PKHD1: variants seen among roughly 807,000 people sequenced by gnomAD.
The protein encoded by PKHD1 is fibrocystin.
PKHD1 carries 291 observed loss-of-function variants against 412.0 expected under a neutral mutation model. The ratio of observed to expected loss-of-function variants is 0.71; its 90% confidence interval spans 0.64 to 0.78. The LOEUF is 0.78. Among genes scored for constraint, PKHD1 ranks in the 30% least tolerant of loss-of-function variants. The pLI is 0.00. For missense variants in PKHD1, 4,825 were observed against 4,950.7 expected (o/e 0.97, Z 0.76); for synonymous variants, 1,777 against 1,821.5 (o/e 0.98, Z 0.62).
intron 43 of PKHD1, among the ~76,000 whole-genome samples, chr6:51,896,512 G>C (rs1273422257): frequency 5.3e-5 from 8 of 151,890 alleles, no homozygotes; most frequent in Non-Finnish European, 5.9e-5. Flanking sequence ...AAACCCATCT[G>C]TACATCACCA....
chr6:52,077,083 G>T (rs938430532), intron 5 of PKHD1, among the ~76,000 whole-genome samples: 11 of 152,158 alleles, frequency 7.2e-5, no homozygotes, highest in African/African-American at 2.7e-4. Flanking sequence ...CAAAGGCAGG[G>T]ACAATGCTTG....
In PKHD1 at chr6:52,046,046, C is replaced by A. The variant is rs140920157; in HGVS notation, c.2550G>T (p.Leu850Phe). ...LYTCYEHVWT[L>F]SWSTQIGDLP... is the part of the protein sequence containing the mutation. ...AATCCCCAATCTGAGTGGACCAGGA[C>A]AAGGTCCACACGTGTTCGTAGCAAG... The change falls in exon 24 of 67, where the codon TTG (leucine) becomes TTT (phenylalanine). Residue 850 changes from leucine (L) to phenylalanine (F), a missense_variant. By Grantham distance (22) the Leu-to-Phe change is conservative. Transcript: ENST00000371117. 7.4e-6 allele frequency: 12 copies of A among 1,613,588 alleles called. No individual in the cohort carries two copies. The highest frequency in any genetic ancestry group is 1.0e-5 in the Non-Finnish European group (12 of 1,179,756).
chr6:51,941,319 A>G (rs1170444804), intron 36 of PKHD1, among the ~76,000 whole-genome samples: 2 of 127,150 alleles, frequency 1.6e-5, no homozygotes, highest in Admixed American at 9.6e-5. Context: ...GCAGTGGCGC[A>G]ATCTCGGCTC....
intron 29 of PKHD1, among the ~76,000 whole-genome samples, chr6:52,029,607 G>A (rs1802741916): frequency 6.6e-6 from 1 of 152,160 alleles, no homozygotes; most frequent in African/African-American, 2.4e-5. Context: ...CAAAAAGAAA[G>A]TCATAGAGAA....
intron 46 of PKHD1, among the ~76,000 whole-genome samples, chr6:51,882,345 T>A (rs1777508797): frequency 6.6e-6 from 1 of 152,342 alleles, no homozygotes; most frequent in African/African-American, 2.4e-5. Context: ...CAGGAAAATG[T>A]AGCTCAATAA....
chr6:51,763,638 G>A (rs1435731264), intron 55 of PKHD1, among the ~76,000 whole-genome samples: 2 of 152,068 alleles, frequency 1.3e-5, no homozygotes, highest in Non-Finnish European at 2.9e-5. Flanking sequence ...TCCTCCTCAA[G>A]TGAATGACAC....
chr6:52,026,197 G>A lies in PKHD1; in HGVS notation c.3629-16C>T, dbSNP rs776260404. ...ATGGTCCCTCCTAAAGTATGAATAC[G>A]GAAAGCAAAATATTATAGCTGATAT... On this transcript the variant is annotated splice_polypyrimidine_tract_variant and intron_variant, in intron 31 of 66. Transcript: ENST00000371117. The A allele has an allele frequency of 6.8e-6, 11 of 1,611,634 alleles. No individual in the cohort carries two copies. Among genetic ancestry groups the A allele is most frequent in the South Asian group, 4.4e-5 (4 of 91,004 alleles).
At position 51,878,997 on chromosome 6, in the gene PKHD1, G is replaced by A. The variant is rs1334125327; in HGVS notation, c.7350+4096C>T. On this transcript the variant is annotated intron_variant, in intron 46 of 66. Transcript: ENST00000371117. ...AGACAAACAGAGAGCCAACTCATGA[G>A]TGAACTCCCATTCACAATTGCTTCA... Among the ~76,000 whole-genome samples the A allele has an allele frequency of 2.2e-5, 2 of 91,722 alleles. 1 individual carries two copies. The highest frequency in any genetic ancestry group is 3.9e-5 in the Non-Finnish European group (2 of 51,220). The allele number at this position is 91,722 out of a possible 152,430, so 60.2% of individuals were successfully genotyped here.
chr6:51,784,979 A>G lies in PKHD1; in HGVS notation c.8440+6257T>C, dbSNP rs79199686. Among the ~76,000 whole-genome samples the G allele has an allele frequency of 6.9e-3, 1,057 of 152,302 alleles. 14 individuals are homozygous for G. Among genetic ancestry groups the G allele is most frequent in the African/African-American group, 0.024 (1,003 of 41,560 alleles). On this transcript the variant is annotated intron_variant, in intron 53 of 66. Coordinates refer to ENST00000371117, the MANE Select transcript of PKHD1 (RefSeq NM_138694.4). Reference sequence around the variant, plus strand: ...TTTCCTATTTAATTTCTTTCAGAGAATGTATTACCATCTAAACTTATCTTC... The same window carrying G: ...TTTCCTATTTAATTTCTTTCAGAGAGTGTATTACCATCTAAACTTATCTTC...
intron 52 of PKHD1, among the ~76,000 whole-genome samples, chr6:51,810,574 G>A (rs902953414): frequency 6.6e-6 from 1 of 152,074 alleles, no homozygotes; most frequent in African/African-American, 2.4e-5. Flanking sequence ...TCAGCCCACT[G>A]ATACCATCCT....
At chr6:52,024,255 C>T (rs566067397) in intron 32 of PKHD1, among the ~76,000 whole-genome samples, 4 of 152,218 alleles carry the variant, frequency 2.6e-5, no homozygotes, top group African/African-American at 9.6e-5. Flanking sequence ...AAGGCATTTA[C>T]GTTCTTAAAT....
rs1582642540 is a variant in PKHD1 at position 51,779,354 on chromosome 6, T to C, written c.8441-3433A>G. 2.6e-5 allele frequency among the ~76,000 whole-genome samples: 4 copies of C among 152,188 alleles called. No homozygotes were observed. The South Asian group carries it at 8.3e-4, about 32-fold the overall frequency. Reference sequence around the variant, plus strand: ...AACTCTTACATACTTTCAAACCCAGTTCAGATGCCACCTCTTCTGGAAATG... The same window carrying C: ...AACTCTTACATACTTTCAAACCCAGCTCAGATGCCACCTCTTCTGGAAATG... On this transcript the variant is annotated intron_variant, in intron 53 of 66. Coordinates refer to ENST00000371117, the MANE Select transcript of PKHD1 (RefSeq NM_138694.4).
At chr6:51,886,093 G>A in intron 44 of PKHD1, 121 bp from the exon 45 acceptor site, 1 of 735,268 alleles carries the variant, frequency 1.4e-6, no homozygotes. Context: ...GATGGAATCT[G>A]TGACCCTCCC....
intron 48 of PKHD1, among the ~76,000 whole-genome samples, chr6:51,857,232 C>T (rs1056974217): frequency 6.6e-6 from 1 of 151,254 alleles, no homozygotes; most frequent in Non-Finnish European, 1.5e-5. Context: ...AAAATCAATA[C>T]ACATTATGAC....
chr6:51,666,740 T>G (rs1355719234), intron 60 of PKHD1, among the ~76,000 whole-genome samples: 3 of 138,266 alleles, frequency 2.2e-5, no homozygotes, highest in Non-Finnish European at 4.5e-5. Flanking sequence ...TTCCTCTTCC[T>G]GTGTCCATGT....
intron 60 of PKHD1, among the ~76,000 whole-genome samples, chr6:51,669,114 T>C (rs377429285): frequency 6.6e-6 from 1 of 151,962 alleles, no homozygotes; most frequent in South Asian, 2.1e-4. Context: ...TAGTTTCAGA[T>C]GGAATGGTAC....
chr6:52,023,153 T>C (rs1438257627), intron 32 of PKHD1, among the ~76,000 whole-genome samples: 1 of 152,172 alleles, frequency 6.6e-6, no homozygotes, highest in Non-Finnish European at 1.5e-5. Flanking sequence ...CAATATCCTA[T>C]TGTGTTAAAG....
intron 52 of PKHD1, among the ~76,000 whole-genome samples, chr6:51,807,458 A>AAATATAT (rs1332349363): frequency 2.0e-5 from 1 of 49,676 alleles, no homozygotes; most frequent in Non-Finnish European, 4.1e-5. Flanking sequence ...AAAAAAAAAA[A>AAATATAT]ATATATATAT....
intron 27 of PKHD1, among the ~76,000 whole-genome samples, chr6:52,042,490 A>G (rs1805060266): frequency 6.6e-6 from 1 of 152,182 alleles, no homozygotes; most frequent in Non-Finnish European, 1.5e-5. Context: ...AACCCAATTC[A>G]TAAGGCTATG....
Sources: allele counts gnomAD v4.1 joint callset (sites outside exome capture counted in the v4.1 genomes callset), GRCh38; gene constraint gnomAD v4.1.1; transcripts MANE v1.5; gene names NCBI Gene and HGNC (gene_info 2026-07-23, HGNC 2026-07-21).